The following NPR3 variants were observed in gnomAD, a reference collection of about 807,000 sequenced individuals.
The protein encoded by NPR3 is atrial natriuretic peptide receptor 3.
NPR3 carries 34 observed loss-of-function variants against 54.5 expected under a neutral mutation model. The ratio of observed to expected loss-of-function variants is 0.62; its 90% CI spans 0.47 to 0.83. NPR3 has a LOEUF of 0.83. Ranked by LOEUF, NPR3 falls within the 40% of genes least tolerant of loss-of-function variation. The pLI is 0.00. For missense variants in NPR3, 674 were observed against 720.8 expected (o/e 0.94, Z 0.74); for synonymous variants, 289 against 297.1 (o/e 0.97, Z 0.28).
chr5:32,731,313 A>G lies in NPR3; in HGVS notation c.892+6493A>G, dbSNP rs115207916. On this transcript the variant is annotated intron_variant, in intron 2 of 7. Transcript: ENST00000265074. Reference sequence around the variant, plus strand: ...TCCTTTATATTTTACCTTTTACGCCATATTTGCTCAGACTTTGTGCTTTGG... The same window carrying G: ...TCCTTTATATTTTACCTTTTACGCCGTATTTGCTCAGACTTTGTGCTTTGG... 3.8e-3 allele frequency among the ~76,000 whole-genome samples: 585 copies of G among 152,284 alleles called. 2 individuals are homozygous for G. Among genetic ancestry groups the G allele is most frequent in the African/African-American group, 0.014 (562 of 41,554 alleles).
chr5:32,759,712 A>T (rs1170809356), intron 3 of NPR3, among the ~76,000 whole-genome samples: 1 of 152,180 alleles, frequency 6.6e-6, no homozygotes, highest in Non-Finnish European at 1.5e-5. Context: ...AGTGGTCCTT[A>T]CAATTTGGCA....
intron 6 of NPR3, among the ~76,000 whole-genome samples, chr5:32,784,210 A>G (rs898712569): frequency 6.6e-6 from 1 of 152,078 alleles, no homozygotes; most frequent in Admixed American, 6.5e-5. Context: ...ATTTATTTTG[A>G]GATAGTCTTG....
chr5:32,714,106 C>T (rs2111850583), intron 1 of NPR3, among the ~76,000 whole-genome samples: 1 of 146,892 alleles, frequency 6.8e-6, no homozygotes, highest in African/African-American at 2.5e-5. Flanking sequence ...CCGGAACCTG[C>T]TTCTCCAGTT....
At chr5:32,736,735 C>A (rs1043212272) in intron 2 of NPR3, among the ~76,000 whole-genome samples, 3 of 152,110 alleles carry the variant, frequency 2.0e-5, no homozygotes, top group Non-Finnish European at 4.4e-5. Flanking sequence ...CTGGCCCGAG[C>A]AGGGGTATGG....
chr5:32,752,101 G>A (rs1330508436), intron 3 of NPR3, among the ~76,000 whole-genome samples: 2 of 152,158 alleles, frequency 1.3e-5, no homozygotes, highest in African/African-American at 4.8e-5. Context: ...CTACTCGGGA[G>A]GCTGAGGCAG....
intron 3 of NPR3, among the ~76,000 whole-genome samples, chr5:32,746,192 A>G (rs952431602): frequency 6.6e-6 from 1 of 152,204 alleles, no homozygotes; most frequent in Non-Finnish European, 1.5e-5. Context: ...TTCTTTAGTA[A>G]GAGGTACCTT....
intron 1 of NPR3, chr5:32,716,514 A>C: frequency 2.3e-6 from 1 of 442,156 alleles, no homozygotes; most frequent in South Asian, 1.6e-5. Flanking sequence ...AATTTTTCTC[A>C]GTAGGCTGAG....
At chr5:32,733,543 G>C (rs1013853946) in intron 2 of NPR3, among the ~76,000 whole-genome samples, 3 of 152,164 alleles carry the variant, frequency 2.0e-5, no homozygotes, top group Non-Finnish European at 4.4e-5. Flanking sequence ...AGAACTCAGA[G>C]AGCACTAATT....
chr5:32,756,574 G>A (rs1255952261), intron 3 of NPR3, among the ~76,000 whole-genome samples: 1 of 152,188 alleles, frequency 6.6e-6, no homozygotes, highest in Non-Finnish European at 1.5e-5. Context: ...TCTGACGGTA[G>A]TTTCTTTTGC....
chr5:32,757,126 T>C (rs567582775), intron 3 of NPR3, among the ~76,000 whole-genome samples: 2 of 152,328 alleles, frequency 1.3e-5, no homozygotes, highest in East Asian at 1.9e-4. Context: ...AGTAGTTTTT[T>C]CCAATTCTGT....
rs757910658 is a variant in NPR3, at chr5:32,780,821, G to A, written c.1290+5G>A. 2 of 1,358,676 alleles carry A rather than the reference G, an allele frequency of 1.5e-6. No homozygotes were observed. Among genetic ancestry groups the A allele is most frequent in the Admixed American group, 1.7e-5 (1 of 59,676 alleles). The allele number at this position is 1,358,676 out of a possible 1,614,324, so 84.2% of individuals were successfully genotyped here. A position where few individuals can be genotyped will look rare whatever the true frequency, so the allele number is the denominator to read the frequency against. ...GTGGAGGCGGGCACCCAGGAGGTGA[G>A]CACGTGAGACCTCTGCACCAGTTGC... On this transcript the variant is annotated splice_donor_5th_base_variant and intron_variant, in intron 5 of 7. Coordinates refer to ENST00000265074, the MANE Select transcript of NPR3 (RefSeq NM_001204375.2).
At chr5:32,774,646 A>G (rs1479735017) in intron 3 of NPR3, 62 bp from the exon 4 acceptor site, 10 of 1,328,648 alleles carry the variant, frequency 7.5e-6, no homozygotes, top group South Asian at 1.2e-5. Flanking sequence ...TGGATTGCTC[A>G]TCTTATTCCT....
chr5:32,709,834 AGGCCTC>A (rs1385814276), upstream of NPR3: 1 of 149,274 alleles, frequency 6.7e-6, no homozygotes, highest in East Asian at 1.9e-4. Flanking sequence ...AGCGCGTTAA[AGGCCTC>A]GGAGTAAAAA....
chr5:32,722,117 G>A (rs1738896169), intron 1 of NPR3, among the ~76,000 whole-genome samples: 1 of 152,150 alleles, frequency 6.6e-6, no homozygotes, highest in Non-Finnish European at 1.5e-5. Context: ...AGAGAGAGAA[G>A]GAGATGGGCC....
At chr5:32,754,985 T>G (rs1038301631) in intron 3 of NPR3, among the ~76,000 whole-genome samples, 1 of 152,116 alleles carries the variant, frequency 6.6e-6, no homozygotes, top group Non-Finnish European at 1.5e-5. Context: ...CTCAGCCTCC[T>G]GAGTAGCTGG....
At chr5:32,702,036 A>G (rs1737821176) in intron 1 of NPR3, among the ~76,000 whole-genome samples, 1 of 152,138 alleles carries the variant, frequency 6.6e-6, no homozygotes, top group African/African-American at 2.4e-5. Context: ...CCTTGCTACC[A>G]GTTAGGTTCA....
At chr5:32,762,235 A>T (rs933985986) in intron 3 of NPR3, among the ~76,000 whole-genome samples, 1 of 152,060 alleles carries the variant, frequency 6.6e-6, no homozygotes, top group Non-Finnish European at 1.5e-5. Context: ...GCTGTTGTGA[A>T]CAGTGCTGCA....
rs1326480139 is a variant in NPR3, at chr5:32,774,781, C to A, written c.1133C>A (p.Ala378Asp). ...YVLALHEVLR[A>D]GYSKKDGGKI... Reference sequence around the variant, plus strand: ...TTGGCTCTACATGAAGTACTCAGAGCTGGTTACAGCAAAAAGGATGGAGGG... The same window carrying A: ...TTGGCTCTACATGAAGTACTCAGAGATGGTTACAGCAAAAAGGATGGAGGG... The change falls in exon 4 of 8, where the codon GCT becomes GAT. Residue 378 changes from alanine to aspartate, a missense_variant. By Grantham distance (126) the Ala-to-Asp change is moderately radical. Coordinates refer to ENST00000265074, the MANE Select transcript of NPR3 (RefSeq NM_001204375.2). 35 of 1,602,650 alleles carry A rather than the reference C, an allele frequency of 2.2e-5. No homozygotes were observed. The highest frequency in any genetic ancestry group is 3.0e-5 in the Non-Finnish European group (35 of 1,169,702).
intron 1 of NPR3, among the ~76,000 whole-genome samples, chr5:32,714,342 T>C (rs1313264152): frequency 6.6e-6 from 1 of 151,774 alleles, no homozygotes; most frequent in East Asian, 1.9e-4. Context: ...CCGGGGCCCC[T>C]CGCCCTCACA....
Sources: allele counts gnomAD v4.1 joint callset (sites outside exome capture counted in the v4.1 genomes callset), GRCh38; gene constraint gnomAD v4.1.1; transcripts MANE v1.5; gene names NCBI Gene and HGNC (gene_info 2026-07-23, HGNC 2026-07-21).